The following IMMP2L variants were observed in gnomAD, a reference collection of about 807,000 sequenced individuals.
IMMP2L encodes mitochondrial inner membrane protease subunit 2.
A neutral mutation model predicts 19.3 loss-of-function variants in IMMP2L; 18 were observed. That is an observed-to-expected ratio of 0.93 (90% confidence interval 0.64 to 1.38). The LOEUF (loss-of-function observed/expected upper bound fraction) is 1.38. IMMP2L is among the 40% of genes most tolerant of loss of function. The pLI is 0.00. For missense variants in IMMP2L, 233 were observed against 218.2 expected (o/e 1.07, Z -0.43); for synonymous variants, 76 against 73.0 (o/e 1.04, Z -0.21).
At chr7:110,743,661 C>CT (rs1314548531) in intron 5 of IMMP2L, among the ~76,000 whole-genome samples, 1 of 152,170 alleles carries the variant, frequency 6.6e-6, no homozygotes, top group Non-Finnish European at 1.5e-5. Flanking sequence ...GGTGGGGCAT[C>CT]ACCTCACCCG....
At chr7:110,979,690 A>T (rs1821057858) in intron 3 of IMMP2L, among the ~76,000 whole-genome samples, 1 of 151,952 alleles carries the variant, frequency 6.6e-6, no homozygotes, top group Non-Finnish European at 1.5e-5. Flanking sequence ...AAACTTAAAA[A>T]ACAAAACAAA....
intron 3 of IMMP2L, among the ~76,000 whole-genome samples, chr7:111,364,122 T>C (rs900772878): frequency 6.6e-6 from 1 of 152,060 alleles, no homozygotes; most frequent in Non-Finnish European, 1.5e-5. Flanking sequence ...TCTGTTTCTC[T>C]ATATAGACAG....
chr7:110,988,408 T>G (rs373951374), intron 3 of IMMP2L, among the ~76,000 whole-genome samples: 1 of 152,204 alleles, frequency 6.6e-6, no homozygotes, highest in Non-Finnish European at 1.5e-5. Context: ...AGATCTATAA[T>G]TGGTGCATAT....
chr7:111,353,470 C>G (rs1170757281), intron 3 of IMMP2L, among the ~76,000 whole-genome samples: 1 of 152,106 alleles, frequency 6.6e-6, no homozygotes, highest in African/African-American at 2.4e-5. Context: ...ATCTTCAGAG[C>G]TTTATTTTAA....
intron 5 of IMMP2L, among the ~76,000 whole-genome samples, chr7:110,707,163 A>T (rs1469881853): frequency 3.6e-5 from 2 of 55,438 alleles, no homozygotes; most frequent in Non-Finnish European, 6.6e-5. Context: ...CCCTCCCCCG[A>T]CCCCACCACA....
intron 3 of IMMP2L, among the ~76,000 whole-genome samples, chr7:111,084,714 CAAATTGGGAGG>C (rs1359170447): frequency 6.6e-6 from 1 of 152,066 alleles, no homozygotes; most frequent in Non-Finnish European, 1.5e-5. Flanking sequence ...GTGCAATAAC[CAAATTGGGAGG>C]GCACTGGTTG....
At chr7:111,318,811 A>G (rs1824379738) in intron 3 of IMMP2L, among the ~76,000 whole-genome samples, 1 of 152,160 alleles carries the variant, frequency 6.6e-6, no homozygotes, top group South Asian at 2.1e-4. Flanking sequence ...GGTATTATCT[A>G]TATTTCAACT....
chr7:110,721,564 AAC>A (rs1795570744), intron 5 of IMMP2L, among the ~76,000 whole-genome samples: 2 of 152,100 alleles, frequency 1.3e-5, no homozygotes, highest in African/African-American at 4.8e-5. Context: ...AAAACAAAAA[AAC>A]ACACAAACAA....
At chr7:111,030,531 G>A (rs1790650780) in intron 3 of IMMP2L, among the ~76,000 whole-genome samples, 1 of 152,134 alleles carries the variant, frequency 6.6e-6, no homozygotes, top group African/African-American at 2.4e-5. Context: ...CAGAGAAGAT[G>A]CCAATTTGAC....
intron 4 of IMMP2L, chr7:110,962,161 C>T (rs1204266740): frequency 1.3e-5 from 2 of 151,888 alleles, no homozygotes; most frequent in African/African-American, 4.8e-5. Context: ...AAAATTGTTG[C>T]TACGAATTTC....
At chr7:111,478,863 GC>G (rs1258041399) in intron 3 of IMMP2L, among the ~76,000 whole-genome samples, 1 of 152,020 alleles carries the variant, frequency 6.6e-6, no homozygotes, top group Admixed American at 6.6e-5. Context: ...TTTATTAAAT[GC>G]CAAGTGTTGC....
intron 5 of IMMP2L, among the ~76,000 whole-genome samples, chr7:110,865,370 T>C (rs1807881978): frequency 6.6e-6 from 1 of 152,108 alleles, no homozygotes; most frequent in Non-Finnish European, 1.5e-5. Context: ...TTTCAGCTTT[T>C]CCCATCTTGC....
intron 3 of IMMP2L, among the ~76,000 whole-genome samples, chr7:111,097,780 CA>C (rs1456656600): frequency 2.0e-5 from 3 of 151,690 alleles, no homozygotes; most frequent in Non-Finnish European, 4.4e-5. Context: ...ACATGTTCTA[CA>C]AAAAGTATTC....
At chr7:111,386,647 T>C (rs918281510) in intron 3 of IMMP2L, among the ~76,000 whole-genome samples, 1 of 152,090 alleles carries the variant, frequency 6.6e-6, no homozygotes, top group Non-Finnish European at 1.5e-5. Flanking sequence ...AAAAGACTCA[T>C]GATAAACTGT....
At chr7:111,354,721 T>C (rs920211475) in intron 3 of IMMP2L, among the ~76,000 whole-genome samples, 1 of 151,776 alleles carries the variant, frequency 6.6e-6, no homozygotes, top group Non-Finnish European at 1.5e-5. Flanking sequence ...GGCCTTCTTA[T>C]ACACAGAAAT....
chr7:110,713,825 C>A (rs1020983866), intron 5 of IMMP2L, among the ~76,000 whole-genome samples: 1 of 151,960 alleles, frequency 6.6e-6, no homozygotes, highest in Admixed American at 6.6e-5. Context: ...TTTATCAGTT[C>A]CAGGAGGCTT....
Position 111,243,514 on chromosome 7 carries a change from A to T in IMMP2L, c.239+243724T>A, listed in dbSNP as rs1275012085. 4.4e-3 allele frequency among the ~76,000 whole-genome samples: 619 copies of T among 141,676 alleles called. 9 individuals are homozygous for T. The highest frequency in any genetic ancestry group is 0.015 in the African/African-American group (587 of 38,656). The allele number at this position is 141,676 out of a possible 152,430, so 92.9% of individuals were successfully genotyped here. A position where few individuals can be genotyped will look rare whatever the true frequency, so the allele number is the denominator to read the frequency against. On this transcript the variant is annotated intron_variant, in intron 3 of 5. Coordinates refer to ENST00000405709, the MANE Select transcript of IMMP2L (RefSeq NM_032549.4). Reference sequence around the variant, plus strand: ...TCAACTCTATATTTCTTGTTGCTTTATTTTTTTTTTTTTTATTATACTCTA... The same window carrying T: ...TCAACTCTATATTTCTTGTTGCTTTTTTTTTTTTTTTTTTATTATACTCTA...
At chr7:110,730,891 G>A (rs1796231362) in intron 5 of IMMP2L, among the ~76,000 whole-genome samples, 1 of 152,144 alleles carries the variant, frequency 6.6e-6, no homozygotes, top group African/African-American at 2.4e-5. Flanking sequence ...GTGATCGTGT[G>A]AGTCAATACT....
At chr7:111,242,051 T>G (rs933301062) in intron 3 of IMMP2L, among the ~76,000 whole-genome samples, 1 of 152,072 alleles carries the variant, frequency 6.6e-6, no homozygotes, top group South Asian at 2.1e-4. Context: ...GAAGAATTAT[T>G]CACTGAGTTT....
Sources: allele counts gnomAD v4.1 joint callset (sites outside exome capture counted in the v4.1 genomes callset), GRCh38; gene constraint gnomAD v4.1.1; transcripts MANE v1.5; gene names NCBI Gene and HGNC (gene_info 2026-07-23, HGNC 2026-07-21).